The following NLGN1 variants were observed in gnomAD, a reference collection of about 807,000 sequenced individuals.
NLGN1 encodes the protein neuroligin-1.
A neutral mutation model predicts 65.5 loss-of-function variants in NLGN1; 12 were observed. The ratio of observed to expected loss-of-function variants is 0.18; its 90% confidence interval spans 0.12 to 0.30. The LOEUF (loss-of-function observed/expected upper bound fraction) is 0.30, where lower values mean the gene tolerates loss of function less well. NLGN1 is among the 10% of genes least tolerant of loss of function. The pLI is 1.00. For missense variants in NLGN1, 750 were observed against 1,007.1 expected, an observed-to-expected ratio of 0.74 and a Z score of 3.46; for synonymous variants, 350 against 359.5, an observed-to-expected ratio of 0.97 and a Z score of 0.30.
rs1319057253 is a variant in NLGN1 at position 174,116,324 on chromosome 3, GGTTTTCTTTTTTTT to G, written c.647-158990_647-158977del. On this transcript the variant is annotated intron_variant, in intron 4 of 6. Transcript: ENST00000457714. Reference sequence around the variant, plus strand: ...ATTGTGACATGTAAGTTTTTTTCTGGGTTTTCTTTTTTTTTTTTTTTTTTTTTTTTTTTGAGACA... The same window carrying G: ...ATTGTGACATGTAAGTTTTTTTCTGGTTTTTTTTTTTTTTTTTTTGAGACA... 5.9e-4 allele frequency among the ~76,000 whole-genome samples: 61 copies of G among 102,836 alleles called. 1 individual carries two copies. The highest frequency in any genetic ancestry group is 2.1e-3 in the African/African-American group (54 of 26,182). 67.5% of individuals were successfully genotyped at this position (102,836 alleles called of 152,430 possible). A position where few individuals can be genotyped will look rare whatever the true frequency, so the allele number is the denominator to read the frequency against.
intron 3 of NLGN1, among the ~76,000 whole-genome samples, chr3:173,668,025 CATTT>C (rs1192860534): frequency 1.3e-5 from 2 of 152,120 alleles, no homozygotes; most frequent in African/African-American, 2.4e-5. Flanking sequence ...AATTCACAAA[CATTT>C]ATTTATCTTC....
chr3:173,430,473 A>G (rs538340414), intron 1 of NLGN1, among the ~76,000 whole-genome samples: 109 of 152,306 alleles, frequency 7.2e-4, no homozygotes, highest in Middle Eastern at 3.4e-3. Flanking sequence ...TATAAGATGT[A>G]TCTTTTGGAA....
At chr3:174,161,249 G>GAA (rs137915776) in intron 4 of NLGN1, among the ~76,000 whole-genome samples, 2 of 148,538 alleles carry the variant, frequency 1.3e-5, no homozygotes, top group Non-Finnish European at 3.0e-5. Flanking sequence ...TGCAATGACA[G>GAA]AAAAAAAAAA....
intron 4 of NLGN1, among the ~76,000 whole-genome samples, chr3:173,848,064 A>G (rs941442726): frequency 6.6e-6 from 1 of 152,122 alleles, no homozygotes; most frequent in African/African-American, 2.4e-5. Context: ...CTGCAGCTGT[A>G]TTACCTGGGT....
chr3:174,007,279 C>T (rs1194689737), intron 4 of NLGN1, among the ~76,000 whole-genome samples: 1 of 152,122 alleles, frequency 6.6e-6, no homozygotes, highest in Non-Finnish European at 1.5e-5. Flanking sequence ...GTTGCTTAAG[C>T]CATCCAGTCT....
chr3:173,950,462 T>A (rs772279348), intron 4 of NLGN1, among the ~76,000 whole-genome samples: 4 of 152,190 alleles, frequency 2.6e-5, no homozygotes, highest in Non-Finnish European at 5.9e-5. Context: ...CAAATACGTA[T>A]GTTTATGTGC....
At chr3:173,569,952 C>T (rs1437115055) in intron 2 of NLGN1, among the ~76,000 whole-genome samples, 1 of 152,138 alleles carries the variant, frequency 6.6e-6, no homozygotes, top group Non-Finnish European at 1.5e-5. Flanking sequence ...TTATGATACT[C>T]AATAGATTCA....
intron 3 of NLGN1, among the ~76,000 whole-genome samples, chr3:173,794,005 T>G (rs1406757915): frequency 6.6e-6 from 1 of 152,036 alleles, no homozygotes; most frequent in African/African-American, 2.4e-5. Context: ...TCTTTTCTAC[T>G]CCTTGTATGC....
At chr3:173,447,912 T>G (rs1174949554) in intron 2 of NLGN1, among the ~76,000 whole-genome samples, 1 of 152,262 alleles carries the variant, frequency 6.6e-6, no homozygotes. Context: ...ACATTGATTT[T>G]ATATCCTGAG....
chr3:174,055,519 C>A (rs1003330966), intron 4 of NLGN1, among the ~76,000 whole-genome samples: 37 of 152,002 alleles, frequency 2.4e-4, no homozygotes, highest in Non-Finnish European at 4.6e-4. Flanking sequence ...GAAGAAAAAT[C>A]TGGAGAGGGA....
At chr3:174,173,003 T>C (rs932720878) in intron 4 of NLGN1, among the ~76,000 whole-genome samples, 2 of 152,098 alleles carry the variant, frequency 1.3e-5, no homozygotes, top group African/African-American at 2.4e-5. Context: ...GCAGCAACAA[T>C]GTTTGAAAGT....
At chr3:173,452,757 G>A (rs992131473) in intron 2 of NLGN1, among the ~76,000 whole-genome samples, 6 of 152,152 alleles carry the variant, frequency 3.9e-5, no homozygotes, top group African/African-American at 1.4e-4. Flanking sequence ...AGTACAATAG[G>A]AGATTCAGGG....
At position 174,146,151 on chromosome 3, in the gene NLGN1, T is replaced by C. The variant is rs188181184; in HGVS notation, c.647-129164T>C. Reference sequence around the variant, plus strand: ...TTCCTTCCTTCCTTCCTTCCTTCCTTCCTCTCTCCCTCCCTCCCTTCCTCT... The same window carrying C: ...TTCCTTCCTTCCTTCCTTCCTTCCTCCCTCTCTCCCTCCCTCCCTTCCTCT... On this transcript the variant is annotated intron_variant, in intron 4 of 6. Transcript: ENST00000457714. Among the ~76,000 whole-genome samples, 281 of 134,408 alleles carry C rather than the reference T, an allele frequency of 2.1e-3. 2 individuals carry two copies. The highest frequency in any genetic ancestry group is 8.7e-3 in the African/African-American group (269 of 30,812). The allele number at this position is 134,408 out of a possible 152,430, so 88.2% of individuals were successfully genotyped here.
chr3:173,859,333 G>T (rs1282582699), intron 4 of NLGN1, among the ~76,000 whole-genome samples: 1 of 152,064 alleles, frequency 6.6e-6, no homozygotes, highest in Non-Finnish European at 1.5e-5. Context: ...ATTCAAAGGA[G>T]TTTGCATTTG....
exon 3 of NLGN1, chr3:173,604,851 T>C: frequency 6.2e-7 from 1 of 1,613,738 alleles, no homozygotes; most frequent in Non-Finnish European, 8.5e-7. Context: ...TGGGGTTCCA[T>C]ATGCAGCCCC....
intron 2 of NLGN1, among the ~76,000 whole-genome samples, chr3:173,447,825 G>T (rs1720672795): frequency 6.6e-6 from 1 of 152,138 alleles, no homozygotes; most frequent in Non-Finnish European, 1.5e-5. Flanking sequence ...TGAAGCAGTT[G>T]TGAATGGGAG....
At chr3:173,409,297 CCT>C (rs1712005804) in intron 1 of NLGN1, among the ~76,000 whole-genome samples, 1 of 152,098 alleles carries the variant, frequency 6.6e-6, no homozygotes, top group Non-Finnish European at 1.5e-5. Flanking sequence ...TATCTATCTA[CCT>C]CTGTTTATCT....
intron 4 of NLGN1, among the ~76,000 whole-genome samples, chr3:173,819,170 A>G (rs1719661545): frequency 6.6e-6 from 1 of 151,818 alleles, no homozygotes; most frequent in South Asian, 2.1e-4. Context: ...CATTTTTTAA[A>G]TCAGCTTATG....
chr3:174,264,275 T>G (rs1264850), intron 4 of NLGN1, among the ~76,000 whole-genome samples: 20,502 of 150,750 alleles, frequency 0.14, 1,454 homozygotes, highest in African/African-American at 0.17. Flanking sequence ...TCCTGCAGAG[T>G]GTTTTCCAAC....
Sources: gnomAD v4.1 joint callset for allele counts (sites outside exome capture counted in the v4.1 genomes callset) on GRCh38, gnomAD v4.1.1 for gene constraint, MANE v1.5 for transcripts, NCBI Gene and HGNC (gene_info 2026-07-23, HGNC 2026-07-21) for gene names.